The following ZMPSTE24 variants were observed in gnomAD, a reference collection of about 807,000 sequenced individuals.
ZMPSTE24 encodes zinc metallopeptidase STE24, also known as CAAX prenyl protease 1 homolog.
A neutral mutation model predicts 56.7 loss-of-function variants in ZMPSTE24; 48 were observed. The ratio of observed to expected loss-of-function variants is 0.85; its 90% CI spans 0.67 to 1.08. The LOEUF (loss-of-function observed/expected upper bound fraction) is 1.08, where lower values mean the gene tolerates loss of function less well. Ranked by LOEUF, ZMPSTE24 falls within the 50% of genes least tolerant of loss-of-function variation. The probability of loss-of-function intolerance (pLI) is 0.00; values close to 1 mark genes in which losing one functional copy is unlikely to be tolerated. For missense variants in ZMPSTE24, 503 were observed against 548.7 expected, an observed-to-expected ratio of 0.92 and a Z score of 0.83; for synonymous variants, 172 against 195.2, an observed-to-expected ratio of 0.88 and a Z score of 0.99.
At chr1:40,283,066 C>G (rs913441948) in intron 7 of ZMPSTE24, among the ~76,000 whole-genome samples, 1 of 152,106 alleles carries the variant, frequency 6.6e-6, no homozygotes, top group African/African-American at 2.4e-5. Flanking sequence ...AGTAAAGTAC[C>G]TAGCCTGTTA....
Position 40,267,887 on chromosome 1 carries a change from A to G in ZMPSTE24, c.357+15A>G. ...CAGAATATGAGGTATGTGATTCATT[A>G]GCATGTATTTGTCATGGTATTTCTT... On this transcript the variant is annotated intron_variant, in intron 3 of 9. Coordinates refer to ENST00000372759, the MANE Select transcript of ZMPSTE24 (RefSeq NM_005857.5). The G allele has an allele frequency of 6.2e-7, 1 of 1,603,274 alleles. No individual in the cohort carries two copies. Among genetic ancestry groups the G allele is most frequent in the Non-Finnish European group, 8.5e-7 (1 of 1,170,294 alleles).
chr1:40,266,761 G>GTTTT (rs3075102), intron 2 of ZMPSTE24, among the ~76,000 whole-genome samples: 37 of 88,114 alleles, frequency 4.2e-4, no homozygotes, highest in Non-Finnish European at 6.2e-4. Context: ...TTTCGAACAA[G>GTTTT]TTTTTTTTTT....
chr1:40,272,136 T>C (rs1643619935), intron 6 of ZMPSTE24, 101 bp downstream of exon 6: 1 of 1,341,372 alleles, frequency 7.5e-7, no homozygotes, highest in African/African-American at 1.5e-5. Context: ...GTTTTTGTTT[T>C]TTTCTTTTTA....
intron 6 of ZMPSTE24, among the ~76,000 whole-genome samples, chr1:40,275,186 G>A (rs543061957): frequency 6.0e-5 from 9 of 150,920 alleles, no homozygotes; most frequent in East Asian, 2.0e-4. Flanking sequence ...TGGGGAGGCC[G>A]AGGTGGGCGG....
intron 7 of ZMPSTE24, among the ~76,000 whole-genome samples, chr1:40,282,613 A>AT (rs1643741678): frequency 6.6e-6 from 1 of 152,206 alleles, no homozygotes; most frequent in Admixed American, 6.5e-5. Flanking sequence ...AAGTGCTGGG[A>AT]TTATAGGCGT....
Position 40,293,910 on chromosome 1 carries a change from C to T in ZMPSTE24, c.*1241C>T, listed in dbSNP as rs1003545714. 1.3e-5 allele frequency: 2 copies of T among 152,392 alleles called. No homozygotes were observed. The highest frequency in any genetic ancestry group is 4.8e-5 in the African/African-American group (2 of 41,450). 9.4% of individuals were successfully genotyped at this position (152,392 alleles called of 1,614,324 possible). A position where few individuals can be genotyped will look rare whatever the true frequency, so the allele number is the denominator to read the frequency against. ...GGCATTTATTCCAAAGTGGGATCAACTGTACGCCTTTGGTATCTGACCATA... is the reference window on the plus strand; with the variant it reads ...GGCATTTATTCCAAAGTGGGATCAATTGTACGCCTTTGGTATCTGACCATA... On this transcript the variant is annotated 3_prime_UTR_variant, in exon 10 of 10. Coordinates refer to ENST00000372759, the MANE Select transcript of ZMPSTE24 (RefSeq NM_005857.5).
chr1:40,278,422 G>T lies in ZMPSTE24; in HGVS notation c.770-2921G>T, dbSNP rs191977828. On this transcript the variant is annotated intron_variant, in intron 6 of 9. Transcript: ENST00000372759. ...AAATACAAAAAATTAGCCGGGCGTG[G>T]TAGCGGGCGCCTGTAGTCCCAGCTA... is the stretch of plus-strand genomic sequence containing the variant. Among the ~76,000 whole-genome samples the T allele has an allele frequency of 3.8e-3, 576 of 151,178 alleles. 13 individuals are homozygous for T. Among genetic ancestry groups the T allele is most frequent in the Admixed American group, 0.036 (545 of 15,216 alleles).
chr1:40,280,405 A>G (rs1643717135), intron 6 of ZMPSTE24, among the ~76,000 whole-genome samples: 1 of 151,904 alleles, frequency 6.6e-6, no homozygotes, highest in Non-Finnish European at 1.5e-5. Context: ...CAAAGAAGAA[A>G]ATTGCTTGAA....
intron 7 of ZMPSTE24, among the ~76,000 whole-genome samples, chr1:40,284,448 C>T (rs1643762738): frequency 1.3e-5 from 2 of 151,950 alleles, no homozygotes; most frequent in African/African-American, 2.4e-5. Flanking sequence ...GTTATTTGCT[C>T]CTTAGTAAGA....
At position 40,292,427 on chromosome 1, in the gene ZMPSTE24, T is replaced by C. The variant is rs1643852591; in HGVS notation, c.1204-18T>C. The C allele has an allele frequency of 2.5e-6, 4 of 1,611,872 alleles. No individual in the cohort carries two copies. Among genetic ancestry groups the C allele is most frequent in the East Asian group, 4.5e-5 (2 of 44,882 alleles). On this transcript the variant is annotated intron_variant, in intron 9 of 9. Transcript: ENST00000372759. ...AAGAGGTGGGCAGTGGCTAAAACCC[T>C]TTCATTTTCTTTTTCAGGTTCTTTC...
chr1:40,259,097 G>T (rs1279465584), intron 1 of ZMPSTE24, among the ~76,000 whole-genome samples: 3 of 152,152 alleles, frequency 2.0e-5, no homozygotes, highest in Non-Finnish European at 4.4e-5. Flanking sequence ...GGCGGAGGTT[G>T]CAGTGAGCTG....
intron 6 of ZMPSTE24, 94 bp downstream of exon 6, chr1:40,272,129 T>C (rs966703885): frequency 7.3e-7 from 1 of 1,373,376 alleles, no homozygotes; most frequent in African/African-American, 1.5e-5. Flanking sequence ...TTAATCAGTT[T>C]TTGTTTTTTT....
intron 6 of ZMPSTE24, among the ~76,000 whole-genome samples, chr1:40,276,060 A>C (rs1643668237): frequency 6.6e-6 from 1 of 152,200 alleles, no homozygotes; most frequent in Non-Finnish European, 1.5e-5. Context: ...AGTGCTGGGG[A>C]AACAAATATC....
At chr1:40,262,836 C>A in intron 2 of ZMPSTE24, 2 of 1,166,458 alleles carry the variant, frequency 1.7e-6, no homozygotes, top group South Asian at 1.7e-5. Context: ...TTCACCAGTT[C>A]CAGAGAATTG....
intron 8 of ZMPSTE24, chr1:40,290,563 C>T (rs576135671): frequency 2.9e-5 from 9 of 315,428 alleles, no homozygotes; most frequent in South Asian, 1.9e-4. Flanking sequence ...CGGGTTCACG[C>T]CATTCTCCTG....
intron 1 of ZMPSTE24, among the ~76,000 whole-genome samples, chr1:40,260,075 TTTTTAAGGAGATAGATTCTC>T: frequency 6.8e-6 from 1 of 147,290 alleles, no homozygotes; most frequent in Non-Finnish European, 1.5e-5. Context: ...TTTTTTTTTT[TTTTTAAGGAGATAGATTCTC>T]TGTCACCCAG....
chr1:40,258,634 G>T (rs944104564), intron 1 of ZMPSTE24, among the ~76,000 whole-genome samples: 2 of 152,184 alleles, frequency 1.3e-5, no homozygotes, highest in African/African-American at 4.8e-5. Context: ...CTGGAGGAAG[G>T]CTTGGGCTCT....
intron 2 of ZMPSTE24, among the ~76,000 whole-genome samples, chr1:40,261,475 G>A (rs1038184968): frequency 6.6e-6 from 1 of 151,682 alleles, no homozygotes; most frequent in East Asian, 1.9e-4. Context: ...TCAGCCTCCC[G>A]AGTAGTTGGG....
chr1:40,259,281 T>G (rs1557771881), intron 1 of ZMPSTE24: 1 of 152,204 alleles, frequency 6.6e-6, no homozygotes, highest in African/African-American at 2.4e-5. Context: ...TTACCTGAGA[T>G]AACCATGGTT....
Sources: gnomAD v4.1 joint callset for allele counts (sites outside exome capture counted in the v4.1 genomes callset) on GRCh38, gnomAD v4.1.1 for gene constraint, MANE v1.5 for transcripts, NCBI Gene and HGNC (gene_info 2026-07-23, HGNC 2026-07-21) for gene names.